The following FILIP1L variants were observed in gnomAD, a reference collection of about 807,000 sequenced individuals.
FILIP1L encodes filamin A-interacting protein 1-like.
In FILIP1L, 55 loss-of-function variants were observed where a neutral mutation model predicts 96.6. The observed-to-expected ratio is 0.57, with a 90% CI of 0.46 to 0.71. The LOEUF is 0.71. Ranked by LOEUF, FILIP1L falls within the 30% of genes least tolerant of loss-of-function variation. The pLI is 0.00. For missense variants in FILIP1L, 1,304 were observed against 1,321.2 expected (o/e 0.99, Z 0.20); for synonymous variants, 467 against 473.9 (o/e 0.99, Z 0.19).
At chr3:100,016,329 A>T (rs753337881) in intron 1 of FILIP1L, among the ~76,000 whole-genome samples, 1 of 152,156 alleles carries the variant, frequency 6.6e-6, no homozygotes, top group Non-Finnish European at 1.5e-5. Context: ...AGTAGGTGGG[A>T]TTACAGGCAT....
rs538891527 is a variant in FILIP1L, at chr3:99,858,725, TGAGA to T, written c.606-7659_606-7656del. On this transcript the variant is annotated intron_variant, in intron 4 of 5. Coordinates refer to ENST00000477258, the MANE Select transcript of FILIP1L (RefSeq NM_001387850.1). The stretch of plus-strand genomic sequence containing the variant: ...CTCTGGAAAACTCCATATACACTTC[TGAGA>T]GAATGAGAGAGAAAAAGGTTGTGTT... Among the ~76,000 whole-genome samples, 643 of 152,260 alleles carry T rather than the reference TGAGA, an allele frequency of 4.2e-3. 6 individuals are homozygous for T. The highest frequency in any genetic ancestry group is 0.015 in the African/African-American group (630 of 41,552).
At chr3:99,969,433 G>A (rs1236506237) in intron 1 of FILIP1L, among the ~76,000 whole-genome samples, 2 of 152,098 alleles carry the variant, frequency 1.3e-5, no homozygotes, top group Admixed American at 6.5e-5. Context: ...TTATATAGTT[G>A]CGTCAATCTG....
At chr3:99,911,855 A>G (rs554611345) in intron 4 of FILIP1L, among the ~76,000 whole-genome samples, 12 of 152,224 alleles carry the variant, frequency 7.9e-5, no homozygotes, top group African/African-American at 2.6e-4. Flanking sequence ...AGTTCCAAGC[A>G]TAGTGTTAAG....
chr3:100,086,562 A>C (rs137881038), intron 1 of FILIP1L, among the ~76,000 whole-genome samples: 17 of 152,288 alleles, frequency 1.1e-4, no homozygotes, highest in Middle Eastern at 3.4e-3. Flanking sequence ...TTTTAAGAAA[A>C]ATTAAACTGG....
intron 1 of FILIP1L, among the ~76,000 whole-genome samples, chr3:100,075,789 T>C (rs1355396608): frequency 6.6e-6 from 1 of 152,232 alleles, no homozygotes; most frequent in African/African-American, 2.4e-5. Context: ...AACCAGGACC[T>C]ATTGATGACT....
intron 4 of FILIP1L, among the ~76,000 whole-genome samples, chr3:99,881,639 TCTC>T (rs1311441709): frequency 1.3e-5 from 2 of 152,096 alleles, no homozygotes; most frequent in East Asian, 1.9e-4. Flanking sequence ...TTCAGACAGT[TCTC>T]CTGCCTCAGC....
At chr3:99,962,414 G>A (rs1362241235) in intron 1 of FILIP1L, among the ~76,000 whole-genome samples, 1 of 152,116 alleles carries the variant, frequency 6.6e-6, no homozygotes, top group Non-Finnish European at 1.5e-5. Flanking sequence ...AGGTCATTTA[G>A]GTTTTGGAAT....
rs746318060 is a variant in FILIP1L, at chr3:99,849,352, C to T, written c.2324G>A (p.Arg775Gln). The T allele has an allele frequency of 4.3e-6, 7 of 1,614,070 alleles. No individual in the cohort carries two copies. In the East Asian group the frequency reaches 6.7e-5, roughly 15 times the overall value. ...AGGCCTGAGGCTCTTACTGAAATGCCGGTACCTCTCTAACTCCTTAGTGAG... is the reference window on the plus strand; with the variant it reads ...AGGCCTGAGGCTCTTACTGAAATGCTGGTACCTCTCTAACTCCTTAGTGAG... ...ENLTKELERY[R>Q]HFSKSLRPSL... The change falls in exon 5 of 6, where the codon CGG becomes CAG. Residue 775 changes from arginine to glutamine, a missense_variant. Physicochemically the swap from Arg to Gln is conservative, Grantham distance 43 (BLOSUM62 1). Coordinates refer to ENST00000477258, the MANE Select transcript of FILIP1L (RefSeq NM_001387850.1).
chr3:99,930,125 T>A, intron 2 of FILIP1L, 96 bp from the exon 3 acceptor site: 1 of 983,456 alleles, frequency 1.0e-6, no homozygotes, highest in Non-Finnish European at 1.5e-6. Flanking sequence ...TTTCTTCTCT[T>A]TCAAATCTAA....
At chr3:99,925,565 T>G (rs1707265372) in intron 3 of FILIP1L, among the ~76,000 whole-genome samples, 1 of 147,564 alleles carries the variant, frequency 6.8e-6, no homozygotes, top group Admixed American at 7.0e-5. Flanking sequence ...TGTGGGACAC[T>G]TCCAGCAGTA....
chr3:99,898,614 A>G (rs1271623774), intron 4 of FILIP1L: 2 of 192,086 alleles, frequency 1.0e-5, no homozygotes, highest in Admixed American at 5.6e-5. Flanking sequence ...AAAAATACAA[A>G]AACTAGCTGG....
intron 1 of FILIP1L, among the ~76,000 whole-genome samples, chr3:100,003,670 T>C (rs1169335011): frequency 6.6e-6 from 1 of 152,180 alleles, no homozygotes; most frequent in Non-Finnish European, 1.5e-5. Flanking sequence ...AAGAAAACTC[T>C]CCAGTTTTCT....
intron 1 of FILIP1L, among the ~76,000 whole-genome samples, chr3:100,030,024 A>T (rs896796903): frequency 6.6e-6 from 1 of 152,146 alleles, no homozygotes; most frequent in African/African-American, 2.4e-5. Flanking sequence ...TTTCTCTAGC[A>T]TGGAATGGAA....
At chr3:100,030,655 C>T (rs1379525565) in intron 1 of FILIP1L, among the ~76,000 whole-genome samples, 1 of 152,282 alleles carries the variant, frequency 6.6e-6, no homozygotes, top group East Asian at 1.9e-4. Flanking sequence ...ATTGTCCCCA[C>T]AACTAATTTA....
At chr3:100,084,863 A>G (rs566102995) in intron 1 of FILIP1L, among the ~76,000 whole-genome samples, 2 of 152,232 alleles carry the variant, frequency 1.3e-5, no homozygotes, top group African/African-American at 4.8e-5. Flanking sequence ...CCTATCCCCA[A>G]TCAGTCCCAG....
At chr3:100,016,932 G>C (rs1445984887) in intron 1 of FILIP1L, among the ~76,000 whole-genome samples, 1 of 152,110 alleles carries the variant, frequency 6.6e-6, no homozygotes, top group Non-Finnish European at 1.5e-5. Flanking sequence ...TCTAATTATA[G>C]TTCACAGCTT....
rs189132011 is a variant in FILIP1L at position 100,006,009 on chromosome 3, G to C, written c.-10-74979C>G. ...AATGGAGAATGGTAGAGAAGGGAAAGGTAGTTTGATAGGAAGTGGGATAGA... is the reference window on the plus strand; with the variant it reads ...AATGGAGAATGGTAGAGAAGGGAAACGTAGTTTGATAGGAAGTGGGATAGA... On this transcript the variant is annotated intron_variant, in intron 1 of 5. Transcript: ENST00000477258. Among the ~76,000 whole-genome samples, 88 of 152,300 alleles carry C rather than the reference G, an allele frequency of 5.8e-4. No homozygotes were observed. In the East Asian group the frequency reaches 0.016, roughly 27 times the overall value.
intron 1 of FILIP1L, among the ~76,000 whole-genome samples, chr3:100,094,963 C>T (rs1012628205): frequency 1.3e-5 from 2 of 152,094 alleles, no homozygotes; most frequent in African/African-American, 4.8e-5. Context: ...GCTGGGATTA[C>T]AGGAGTGAGC....
chr3:99,848,319 AG>A lies in FILIP1L; in HGVS notation c.3356del (p.Pro1119LeufsTer57). The A allele has an allele frequency of 6.2e-7, 1 of 1,614,076 alleles. No individual in the cohort carries two copies. Among genetic ancestry groups the A allele is most frequent in the Non-Finnish European group, 8.5e-7 (1 of 1,179,992 alleles). On this transcript the variant is annotated frameshift_variant, in exon 5 of 6. Coordinates refer to ENST00000477258, the MANE Select transcript of FILIP1L (RefSeq NM_001387850.1). LOFTEE classifies it high-confidence loss of function. Reference sequence around the variant, plus strand: ...CTGTAATTTGTGATTGTCGAGGAAGAGGTGTGGCTGTTGGTGTGATAGTAAT... The same window carrying A: ...CTGTAATTTGTGATTGTCGAGGAAGAGTGTGGCTGTTGGTGTGATAGTAAT... ...SSITITPTAT[P>X]LPRQSQITIK...
Sources: allele counts gnomAD v4.1 joint callset (sites outside exome capture counted in the v4.1 genomes callset), GRCh38; gene constraint gnomAD v4.1.1; transcripts MANE v1.5; gene names NCBI Gene and HGNC (gene_info 2026-07-23, HGNC 2026-07-21).